The following ERMP1 variants were observed in gnomAD, a reference collection of about 807,000 sequenced individuals.
ERMP1 encodes endoplasmic reticulum metallopeptidase 1, also known as Felix-ina.
ERMP1 carries 86 observed loss-of-function variants against 92.0 expected under a neutral mutation model. The observed-to-expected ratio is 0.93, with a 90% CI of 0.79 to 1.12. The LOEUF (loss-of-function observed/expected upper bound fraction) is 1.12, where lower values mean the gene tolerates loss of function less well. Among genes scored for constraint, ERMP1 ranks in the 50% most tolerant of loss-of-function variants. ERMP1 has a pLI of 0.00. For synonymous variants in ERMP1, 530 were observed against 412.8 expected, an observed-to-expected ratio of 1.28 and a Z score of -3.44; for missense variants, 1,342 against 1,116.3, an observed-to-expected ratio of 1.20 and a Z score of -2.88.
Position 5,786,049 on chromosome 9 carries a change from C to T in ERMP1, c.*1095G>A, listed in dbSNP as rs1827922482. Reference sequence around the variant, plus strand: ...CTGAACCACCTACACGTACAGTGGTCTCATTCCAGTATAAGCCACAACCTC... The same window carrying T: ...CTGAACCACCTACACGTACAGTGGTTTCATTCCAGTATAAGCCACAACCTC... On this transcript the variant is annotated 3_prime_UTR_variant, in exon 15 of 15. Coordinates refer to ENST00000339450, the MANE Select transcript of ERMP1 (RefSeq NM_024896.3). The T allele has an allele frequency of 6.6e-6, 1 of 152,188 alleles. No individual in the cohort carries two copies. Among genetic ancestry groups the T allele is most frequent in the African/African-American group, 2.4e-5 (1 of 41,434 alleles). The allele number at this position is 152,188 out of a possible 1,614,324, so 9.4% of individuals were successfully genotyped here.
chr9:5,834,368 T>C (rs1301447272), upstream of ERMP1, among the ~76,000 whole-genome samples: 1 of 152,222 alleles, frequency 6.6e-6, no homozygotes, highest in Non-Finnish European at 1.5e-5. Flanking sequence ...CACAGCACCA[T>C]GTTTGCATGT....
intron 11 of ERMP1, among the ~76,000 whole-genome samples, chr9:5,800,447 G>T (rs1828624483): frequency 6.6e-6 from 1 of 152,142 alleles, no homozygotes; most frequent in Non-Finnish European, 1.5e-5. Context: ...AGGCCGAGGT[G>T]GGTGGATCAC....
At chr9:5,840,637 G>A (rs915030277) in intron 6 of ERMP1, among the ~76,000 whole-genome samples, 3 of 152,202 alleles carry the variant, frequency 2.0e-5, no homozygotes, top group East Asian at 1.9e-4. Flanking sequence ...TGGGTGCTGC[G>A]CTGAAAGCAC....
intron 8 of ERMP1, among the ~76,000 whole-genome samples, chr9:5,807,179 C>A (rs560481375): frequency 6.6e-6 from 1 of 152,306 alleles, no homozygotes; most frequent in Admixed American, 6.5e-5. Context: ...CACTCCTGCT[C>A]CATTCCAGTC....
At chr9:5,840,277 A>G (rs1268432635) in intron 6 of ERMP1, among the ~76,000 whole-genome samples, 1 of 152,090 alleles carries the variant, frequency 6.6e-6, no homozygotes, top group Non-Finnish European at 1.5e-5. Flanking sequence ...GAGAGAACGG[A>G]AGGAAGGGAG....
chr9:5,860,784 G>A (rs1186417323), intron 5 of ERMP1, among the ~76,000 whole-genome samples: 1 of 151,678 alleles, frequency 6.6e-6, no homozygotes, highest in African/African-American at 2.4e-5. Flanking sequence ...GTCTCCCTGT[G>A]TTGCCCAGGC....
chr9:5,864,531 C>T (rs1314611276), intron 5 of ERMP1, among the ~76,000 whole-genome samples: 2 of 152,118 alleles, frequency 1.3e-5, no homozygotes, highest in East Asian at 1.9e-4. Context: ...GGGAGGGGGG[C>T]GAGCGGGTAT....
At chr9:5,864,657 G>C (rs937207843) in intron 5 of ERMP1, among the ~76,000 whole-genome samples, 1 of 152,190 alleles carries the variant, frequency 6.6e-6, no homozygotes, top group African/African-American at 2.4e-5. Flanking sequence ...TTCCAGATCC[G>C]CAAGAATTCT....
intron 5 of ERMP1, among the ~76,000 whole-genome samples, chr9:5,866,494 G>T (rs139252980): frequency 3.8e-4 from 58 of 152,294 alleles, no homozygotes; most frequent in Middle Eastern, 3.4e-3. Context: ...AAACAGCCCA[G>T]AATTGGTAGC....
intron 4 of ERMP1, among the ~76,000 whole-genome samples, chr9:5,823,666 T>C (rs766352257): frequency 3.3e-5 from 5 of 151,988 alleles, no homozygotes; most frequent in South Asian, 2.1e-4. Flanking sequence ...ACTTAATATA[T>C]ATGAAATGGT....
chr9:5,797,201 T>TA (rs1229118233), intron 13 of ERMP1, among the ~76,000 whole-genome samples: 3 of 151,480 alleles, frequency 2.0e-5, no homozygotes, highest in East Asian at 3.9e-4. Context: ...CATGCCCAGC[T>TA]AATTTTTTTT....
intron 6 of ERMP1, among the ~76,000 whole-genome samples, chr9:5,842,390 T>C (rs1024270906): frequency 7.3e-6 from 1 of 136,740 alleles, no homozygotes; most frequent in African/African-American, 2.8e-5. Flanking sequence ...GCTTCACCTC[T>C]CAACTGCACT....
intron 6 of ERMP1, among the ~76,000 whole-genome samples, chr9:5,858,367 T>C (rs1190616554): frequency 6.6e-6 from 1 of 152,126 alleles, no homozygotes; most frequent in Non-Finnish European, 1.5e-5. Context: ...GGTAAGACCA[T>C]GTTGAACAGA....
chr9:5,842,513 C>A (rs1830179874), intron 6 of ERMP1, among the ~76,000 whole-genome samples: 1 of 150,720 alleles, frequency 6.6e-6, no homozygotes, highest in Non-Finnish European at 1.5e-5. Flanking sequence ...GTTTGCACAA[C>A]ATTATAAAGT....
At chr9:5,802,526 A>T (rs1392035789) in intron 10 of ERMP1, among the ~76,000 whole-genome samples, 2 of 152,074 alleles carry the variant, frequency 1.3e-5, no homozygotes, top group Non-Finnish European at 2.9e-5. Context: ...CTGAAATTAC[A>T]AGTGTGCACC....
intron 6 of ERMP1, among the ~76,000 whole-genome samples, chr9:5,840,675 T>C (rs564143565): frequency 1.3e-5 from 2 of 152,360 alleles, no homozygotes; most frequent in Non-Finnish European, 1.5e-5. Flanking sequence ...TAACCTGCGG[T>C]GTATCCTCCA....
upstream of ERMP1, among the ~76,000 whole-genome samples, chr9:5,834,703 A>ACGTGTGTG (rs1554627431): frequency 8.1e-6 from 1 of 122,906 alleles, no homozygotes; most frequent in Non-Finnish European, 1.6e-5. Context: ...GTATGTATAT[A>ACGTGTGTG]TGTGTGTGTG....
At position 5,812,977 on chromosome 9, in the gene ERMP1, A is replaced by G. The variant is rs372682795; in HGVS notation, c.933T>C (p.Ala311=). 13 of 1,613,972 alleles carry G rather than the reference A, an allele frequency of 8.1e-6. No homozygotes were observed. The African/African-American group carries it at 1.3e-4, about 17-fold the overall frequency. Residue 311 remains alanine, a synonymous_variant, in exon 5 of 15, where the codon GCT becomes GCC. Transcript: ENST00000339450. ...GAAAAACCTCCTGAGCCACCACAGA[A>G]GCAAAAGGGTGTTTAGCTGCTGAAA... ...AYVSAAKHPF[A]SVVAQEVFQS...
At chr9:5,830,191 G>GA (rs1461752603) in intron 2 of ERMP1, among the ~76,000 whole-genome samples, 63 of 150,944 alleles carry the variant, frequency 4.2e-4, no homozygotes, top group African/African-American at 1.1e-3. Flanking sequence ...TAAAACATGA[G>GA]TTTTTTTTTT....
Sources: gnomAD v4.1 joint callset for allele counts (sites outside exome capture counted in the v4.1 genomes callset) on GRCh38, gnomAD v4.1.1 for gene constraint, MANE v1.5 for transcripts, NCBI Gene and HGNC (gene_info 2026-07-23, HGNC 2026-07-21) for gene names.